The following DLGAP1 variants were observed in gnomAD, a reference collection of about 807,000 sequenced individuals.
The protein encoded by DLGAP1 is disks large-associated protein 1.
DLGAP1 carries 11 observed loss-of-function variants against 90.8 expected under a neutral mutation model. The ratio of observed to expected loss-of-function variants is 0.12; its 90% CI spans 0.08 to 0.20. DLGAP1 has a LOEUF of 0.20. Among genes scored for constraint, DLGAP1 ranks in the 10% least tolerant of loss-of-function variants. DLGAP1 has a pLI of 1.00. For missense variants in DLGAP1, 1,050 were observed against 1,333.8 expected, an observed-to-expected ratio of 0.79 and a Z score of 3.31; for synonymous variants, 558 against 540.7, an observed-to-expected ratio of 1.03 and a Z score of -0.44.
At chr18:3,688,622 C>G (rs1480565939) in intron 7 of DLGAP1, among the ~76,000 whole-genome samples, 1 of 15,752 alleles carries the variant, frequency 6.3e-5, no homozygotes, top group Non-Finnish European at 1.4e-4. Flanking sequence ...AAGACACACA[C>G]ACACACACAC....
intron 3 of DLGAP1, among the ~76,000 whole-genome samples, chr18:3,895,311 A>AT (rs1424925924): frequency 6.6e-6 from 1 of 150,772 alleles, no homozygotes; most frequent in Non-Finnish European, 1.5e-5. Context: ...ACACACACAC[A>AT]CACACACACA....
intron 7 of DLGAP1, among the ~76,000 whole-genome samples, chr18:3,617,785 A>T (rs901629674): frequency 2.0e-5 from 3 of 150,780 alleles, no homozygotes; most frequent in Admixed American, 6.6e-5. Context: ...CTGTAATCCC[A>T]GCACTTTGGG....
intron 5 of DLGAP1, among the ~76,000 whole-genome samples, chr18:3,762,697 G>T (rs1401926173): frequency 2.6e-5 from 4 of 152,086 alleles, no homozygotes; most frequent in Non-Finnish European, 4.4e-5. Flanking sequence ...CACAAAAAAG[G>T]TATCTCTTCT....
intron 7 of DLGAP1, among the ~76,000 whole-genome samples, chr18:3,700,409 G>C (rs1199305005): frequency 6.6e-6 from 1 of 152,062 alleles, no homozygotes; most frequent in African/African-American, 2.4e-5. Flanking sequence ...TCCCGAGTAA[G>C]GCAAAACCCC....
At chr18:3,783,876 C>T (rs974937411) in intron 5 of DLGAP1, among the ~76,000 whole-genome samples, 2 of 152,118 alleles carry the variant, frequency 1.3e-5, no homozygotes, top group Non-Finnish European at 2.9e-5. Flanking sequence ...ACAGCGATTT[C>T]GAGAGGGGTA....
intron 6 of DLGAP1, among the ~76,000 whole-genome samples, chr18:3,732,345 C>G (rs2062465485): frequency 1.3e-5 from 2 of 152,178 alleles, no homozygotes; most frequent in Admixed American, 6.5e-5. Flanking sequence ...TATCTATGCT[C>G]AATGTCTAGA....
rs568642639 is a variant in DLGAP1, at chr18:3,840,278, C to T, written c.958-26005G>A. Among the ~76,000 whole-genome samples, 7 of 152,274 alleles carry T rather than the reference C, an allele frequency of 4.6e-5. No individual in the cohort carries two copies. In the East Asian group the frequency reaches 1.2e-3, roughly 25 times the overall value. On this transcript the variant is annotated intron_variant, in intron 4 of 12. Transcript: ENST00000315677. ...TGGCTTAAAAAATCTCATATTTAATCTCTTACAGTTGTGGAGGCCAGAAGT... is the reference window on the plus strand; with the variant it reads ...TGGCTTAAAAAATCTCATATTTAATTTCTTACAGTTGTGGAGGCCAGAAGT...
intron 1 of DLGAP1, among the ~76,000 whole-genome samples, chr18:4,380,644 T>C (rs1289460324): frequency 6.6e-6 from 1 of 152,172 alleles, no homozygotes; most frequent in Admixed American, 6.6e-5. Flanking sequence ...AAACTCTCTT[T>C]TAATCTTTAC....
intron 3 of DLGAP1, among the ~76,000 whole-genome samples, chr18:3,909,491 C>T (rs2148893334): frequency 6.6e-6 from 1 of 152,304 alleles, no homozygotes; most frequent in South Asian, 2.1e-4. Flanking sequence ...CACCCAAGAA[C>T]ACTGGATACT....
chr18:3,674,296 A>AAAAAAAAAAAAAAATATATATATAT (rs755076240), intron 7 of DLGAP1, among the ~76,000 whole-genome samples: 1 of 128,992 alleles, frequency 7.8e-6, no homozygotes, highest in African/African-American at 3.2e-5. Context: ...ATAATATTAA[A>AAAAAAAAAAAAAAATATATATATAT]ATATATATAT....
Position 4,383,592 on chromosome 18 carries a change from A to G in DLGAP1, c.-267+71414T>C, listed in dbSNP as rs1441466033. On this transcript the variant is annotated intron_variant, in intron 1 of 12. Transcript: ENST00000315677. This position sits in a 1 kb window ranked among gnomAD's most constrained non-coding sequence, Gnocchi z 4.0. Reference sequence around the variant, plus strand: ...AACCGAGTATCCTTGCTCATTAAAAAAAAAGGGATGTTTACCTATGAGAAT... The same window carrying G: ...AACCGAGTATCCTTGCTCATTAAAAGAAAAGGGATGTTTACCTATGAGAAT... Among the ~76,000 whole-genome samples the G allele has an allele frequency of 1.3e-5, 2 of 152,116 alleles. No individual in the cohort carries two copies. The highest frequency in any genetic ancestry group is 2.4e-5 in the African/African-American group (1 of 41,444).
In DLGAP1 at chr18:3,535,072, CTGTGTGTG is replaced by C. The variant is rs111975324; in HGVS notation, c.2058-465_2058-458del. On this transcript the variant is annotated intron_variant, in intron 9 of 12. Transcript: ENST00000315677. ...AGAAGTCTCATCTTCTCAATCTTCT[CTGTGTGTG>C]TGTGTGTGTGTGTGTGTGTGTGTGT... Among the ~76,000 whole-genome samples, 726 of 144,688 alleles carry C rather than the reference CTGTGTGTG, an allele frequency of 5.0e-3. 6 individuals carry two copies. Among genetic ancestry groups the C allele is most frequent in the South Asian group, 0.026 (116 of 4,494 alleles). 94.9% of individuals were successfully genotyped at this position (144,688 alleles called of 152,430 possible).
At chr18:3,798,574 C>T (rs1266013996) in intron 5 of DLGAP1, among the ~76,000 whole-genome samples, 2 of 152,188 alleles carry the variant, frequency 1.3e-5, no homozygotes, top group African/African-American at 4.8e-5. Flanking sequence ...GGACTTGGCA[C>T]ATGGAGGGTG....
intron 10 of DLGAP1, among the ~76,000 whole-genome samples, chr18:3,524,838 C>T (rs1177222805): frequency 6.6e-6 from 1 of 152,160 alleles, no homozygotes; most frequent in African/African-American, 2.4e-5. Flanking sequence ...GCAAAAATTT[C>T]CCCAACCTAC....
chr18:4,144,379 T>C lies in DLGAP1; in HGVS notation c.-159+6801A>G, dbSNP rs548512862. 3.3e-5 allele frequency among the ~76,000 whole-genome samples: 5 copies of C among 152,270 alleles called. No individual in the cohort carries two copies. In the South Asian group the frequency reaches 1.0e-3, roughly 32 times the overall value. On this transcript the variant is annotated intron_variant, in intron 2 of 12. Coordinates refer to ENST00000315677, the MANE Select transcript of DLGAP1 (RefSeq NM_004746.4). ...TTCTGTCCCACATTGCTTTCCACTGTGAGAGGGCAGCACTGAGTTCCTATA... is the reference window on the plus strand; with the variant it reads ...TTCTGTCCCACATTGCTTTCCACTGCGAGAGGGCAGCACTGAGTTCCTATA...
intron 3 of DLGAP1, among the ~76,000 whole-genome samples, chr18:3,916,559 A>G (rs2072149556): frequency 6.6e-6 from 1 of 152,206 alleles, no homozygotes; most frequent in East Asian, 1.9e-4. Context: ...GAGCTTGAAC[A>G]TTCACTCACA....
chr18:3,652,849 G>A (rs1434110591), intron 7 of DLGAP1, among the ~76,000 whole-genome samples: 4 of 152,172 alleles, frequency 2.6e-5, no homozygotes, highest in African/African-American at 9.7e-5. Flanking sequence ...GCTTATCACT[G>A]GCAAAGACTT....
chr18:3,537,989 G>A (rs2052471615), intron 9 of DLGAP1, among the ~76,000 whole-genome samples: 1 of 151,920 alleles, frequency 6.6e-6, no homozygotes, highest in South Asian at 2.1e-4. Flanking sequence ...AGATTATGTG[G>A]GATTTTAAAA....
chr18:3,946,020 C>T (rs2072871523), intron 3 of DLGAP1, among the ~76,000 whole-genome samples: 1 of 151,952 alleles, frequency 6.6e-6, no homozygotes, highest in African/African-American at 2.4e-5. Flanking sequence ...TTTAATAATG[C>T]TTAATAAGTG....
Sources: allele counts gnomAD v4.1 joint callset (sites outside exome capture counted in the v4.1 genomes callset), GRCh38; gene constraint gnomAD v4.1.1; non-coding constraint Gnocchi (gnomAD v3.1); transcripts MANE v1.5; gene names NCBI Gene and HGNC (gene_info 2026-07-23, HGNC 2026-07-21).